The following DYNAP variants were observed in gnomAD, a reference collection of about 807,000 sequenced individuals.
DYNAP encodes dynactin-associated protein.
DYNAP carries 7 observed loss-of-function variants against 8.5 expected under a neutral mutation model. The observed-to-expected ratio is 0.82, with a 90% CI of 0.47 to 1.54. The LOEUF is 1.54. Among genes scored for constraint, DYNAP ranks in the 40% most tolerant of loss-of-function variants. The pLI is 0.01. For missense variants in DYNAP, 256 were observed against 224.3 expected (o/e 1.14, Z -0.90); for synonymous variants, 77 against 77.9 (o/e 0.99, Z 0.06).
At chr18:54,585,512 A>G (rs1234606385), upstream of DYNAP, among the ~76,000 whole-genome samples, 1 of 151,442 alleles carries the variant, frequency 6.6e-6, no homozygotes, top group Non-Finnish European at 1.5e-5. Flanking sequence ...CTCTTCTACA[A>G]TTTCTCCTTC....
chr18:54,584,018 G>A (rs1011005027), upstream of DYNAP, among the ~76,000 whole-genome samples: 2 of 151,578 alleles, frequency 1.3e-5, no homozygotes, highest in Admixed American at 6.6e-5. Context: ...TAAGTAGGGT[G>A]AAAGAAAAAG....
At chr18:54,587,998 A>C, upstream of DYNAP, 1 of 393,050 alleles carries the variant, frequency 2.5e-6, no homozygotes, top group Non-Finnish European at 4.5e-6. Flanking sequence ...TCCAACATAC[A>C]AAAAGCTAAA....
the DYNAP span, among the ~76,000 whole-genome samples, chr18:54,577,440 G>T: frequency 6.6e-6 from 1 of 152,040 alleles, no homozygotes; most frequent in African/African-American, 2.4e-5. Flanking sequence ...AATTAGCAGG[G>T]CATGGTGGCA....
At chr18:54,587,062 T>G (rs1400958960), upstream of DYNAP, among the ~76,000 whole-genome samples, 1 of 152,132 alleles carries the variant, frequency 6.6e-6, no homozygotes, top group Non-Finnish European at 1.5e-5. Flanking sequence ...CCCTGCCACA[T>G]GCATAGCCTC....
At chr18:54,596,815 T>C (rs890944361) in intron 2 of DYNAP, among the ~76,000 whole-genome samples, 1 of 152,122 alleles carries the variant, frequency 6.6e-6, no homozygotes, top group Non-Finnish European at 1.5e-5. Context: ...TTTTCAGTGC[T>C]TCCCATCAAG....
intron 1 of DYNAP, among the ~76,000 whole-genome samples, chr18:54,594,271 G>A (rs1184059047): frequency 1.3e-5 from 2 of 152,016 alleles, no homozygotes; most frequent in Admixed American, 6.6e-5. Flanking sequence ...CTGCAAATTC[G>A]ACAAATGATT....
the DYNAP span, among the ~76,000 whole-genome samples, chr18:54,582,241 G>A: frequency 1.3e-5 from 2 of 152,036 alleles, no homozygotes; most frequent in Non-Finnish European, 2.9e-5. Flanking sequence ...AGCGGAGATC[G>A]CATCACTGCA....
At position 54,598,195 on chromosome 18, in the gene DYNAP, T is replaced by G; in HGVS notation, c.*50T>G. The G allele has an allele frequency of 6.5e-7, 1 of 1,545,040 alleles. No homozygotes were observed. The highest frequency in any genetic ancestry group is 1.4e-5 in the African/African-American group (1 of 73,380). On this transcript the variant is annotated 3_prime_UTR_variant, in exon 3 of 3. Transcript: ENST00000648945. ...CAACTGAAACTTCAACCTCTACCAC[T>G]TCAACTCAGTTTGCAACTATAATAG...
At chr18:54,589,861 CAA>C (rs1911003466), upstream of DYNAP, among the ~76,000 whole-genome samples, 1 of 152,058 alleles carries the variant, frequency 6.6e-6, no homozygotes, top group Non-Finnish European at 1.5e-5. Context: ...AAAAATCAAT[CAA>C]AAAGTCTTTC....
intron 2 of DYNAP, 136 bp downstream of exon 2, chr18:54,595,239 C>T: frequency 1.5e-5 from 15 of 1,027,316 alleles, no homozygotes; most frequent in Non-Finnish European, 1.8e-5. Flanking sequence ...GCTGTATTCT[C>T]AGTATAGGTA....
At chr18:54,596,954 C>A (rs1373534168) in intron 2 of DYNAP, among the ~76,000 whole-genome samples, 1 of 152,024 alleles carries the variant, frequency 6.6e-6, no homozygotes, top group Admixed American at 6.6e-5. Context: ...CTCTAGTCTT[C>A]CAACAAATAC....
At chr18:54,591,380 C>T in intron 1 of DYNAP, 41 bp downstream of exon 1, 1 of 1,563,028 alleles carries the variant, frequency 6.4e-7, no homozygotes. Context: ...GCCTATATTA[C>T]AGTTTCATTT....
At chr18:54,583,269 C>T (rs1259955159), upstream of DYNAP, among the ~76,000 whole-genome samples, 1 of 152,130 alleles carries the variant, frequency 6.6e-6, no homozygotes, top group Non-Finnish European at 1.5e-5. Context: ...CTGCAGCTCC[C>T]AAACCAGAGA....
rs760495397 is a variant in DYNAP, at chr18:54,595,040, C to T, written c.159C>T (p.Val53=). ...ATGTCTCTCCCAACTTAACTGGGGT[C>T]TGCGTGAACCCAGGAATCCTTGCAC... ...TSDVSPNLTG[V]CVNPGILAHS... The change falls in exon 2 of 3, where the codon GTC becomes GTT. Residue 53 remains valine, a synonymous_variant. Coordinates refer to ENST00000648945, the MANE Select transcript of DYNAP (RefSeq NM_173629.3). 12 of 1,612,712 alleles carry T rather than the reference C, an allele frequency of 7.4e-6. No homozygotes were observed. The highest frequency in any genetic ancestry group is 9.3e-6 in the Non-Finnish European group (11 of 1,179,146).
chr18:54,584,140 A>G (rs2144880207), upstream of DYNAP, among the ~76,000 whole-genome samples: 1 of 151,940 alleles, frequency 6.6e-6, no homozygotes, highest in African/African-American at 2.4e-5. Flanking sequence ...TATTCATACA[A>G]CTTTGGAAAC....
the DYNAP span, among the ~76,000 whole-genome samples, chr18:54,578,880 A>G: frequency 6.6e-6 from 1 of 151,898 alleles, no homozygotes; most frequent in Admixed American, 6.6e-5. Context: ...GCTCACTGCA[A>G]CCTCCGCCTC....
chr18:54,582,462 A>G, the DYNAP span, among the ~76,000 whole-genome samples: 1 of 152,262 alleles, frequency 6.6e-6, no homozygotes, highest in Non-Finnish European at 1.5e-5. Flanking sequence ...TAACAATAGT[A>G]ACTTTCCCCC....
At chr18:54,588,389 G>C (rs771399159), upstream of DYNAP, among the ~76,000 whole-genome samples, 19 of 151,796 alleles carry the variant, frequency 1.3e-4, no homozygotes, top group Admixed American at 1.3e-4. Flanking sequence ...TATTTTTTTA[G>C]AGACAGGGTT....
chr18:54,596,395 T>C (rs746978948), intron 2 of DYNAP, among the ~76,000 whole-genome samples: 3 of 152,076 alleles, frequency 2.0e-5, no homozygotes, highest in Non-Finnish European at 4.4e-5. Context: ...TAAACTTGAC[T>C]GCATATTAGA....
Sources: gnomAD v4.1 joint callset for allele counts (sites outside exome capture counted in the v4.1 genomes callset) on GRCh38, gnomAD v4.1.1 for gene constraint, MANE v1.5 for transcripts, NCBI Gene and HGNC (gene_info 2026-07-23, HGNC 2026-07-21) for gene names.